ARG2: variants seen among roughly 807,000 people sequenced by gnomAD.
ARG2 encodes the protein arginase-2, mitochondrial.
In ARG2, 21 loss-of-function variants were observed where a neutral mutation model predicts 39.4. The observed-to-expected ratio is 0.53, with a 90% CI of 0.38 to 0.77. The LOEUF (loss-of-function observed/expected upper bound fraction) is 0.77. ARG2 is among the 30% of genes least tolerant of loss of function. The pLI, the probability that ARG2 is intolerant of heterozygous loss-of-function variation, is 0.00. For synonymous variants in ARG2, 150 were observed against 156.7 expected, an observed-to-expected ratio of 0.96 and a Z score of 0.32; for missense variants, 378 against 426.2, an observed-to-expected ratio of 0.89 and a Z score of 1.00.
intron 2 of ARG2, among the ~76,000 whole-genome samples, chr14:67,626,605 G>C (rs1315438067): frequency 6.6e-6 from 1 of 152,010 alleles, no homozygotes; most frequent in Non-Finnish European, 1.5e-5. Flanking sequence ...TGAGTACCTG[G>C]GACCACAGGC....
intron 3 of ARG2, 138 bp from the exon 4 acceptor site, chr14:67,645,505 G>A (rs2037086082): frequency 1.1e-6 from 1 of 894,418 alleles, no homozygotes; most frequent in Admixed American, 3.0e-5. Flanking sequence ...TACAGGTCTT[G>A]CCTCACCCAA....
intron 2 of ARG2, among the ~76,000 whole-genome samples, chr14:67,622,513 TAAC>T (rs1566793791): frequency 6.6e-6 from 1 of 152,244 alleles, no homozygotes; most frequent in South Asian, 2.1e-4. Flanking sequence ...GTCATTTTAA[TAAC>T]TCTCCAAGTT....
intron 2 of ARG2, among the ~76,000 whole-genome samples, chr14:67,626,270 C>G (rs1305314875): frequency 6.6e-6 from 1 of 151,748 alleles, no homozygotes; most frequent in African/African-American, 2.4e-5. Context: ...AAAAAAAAAC[C>G]ACAAAACTAC....
intron 5 of ARG2, 78 bp downstream of exon 5, chr14:67,646,816 T>TG: frequency 1.4e-6 from 2 of 1,440,956 alleles, no homozygotes; most frequent in South Asian, 1.2e-5. Context: ...ATGCTTAACT[T>TG]GGTCTATTGC....
At chr14:67,631,678 T>G (rs1373595926) in intron 2 of ARG2, among the ~76,000 whole-genome samples, 2 of 152,178 alleles carry the variant, frequency 1.3e-5, no homozygotes, top group African/African-American at 4.8e-5. Flanking sequence ...GTGATCCTCC[T>G]GCCTTGGCCT....
At chr14:67,650,441 G>A (rs146609124) in intron 7 of ARG2, 4 of 418,154 alleles carry the variant, frequency 9.6e-6, no homozygotes, top group East Asian at 8.7e-5. Flanking sequence ...TTTCCAGAAC[G>A]CCTGACAATT....
chr14:67,638,144 T>C (rs1294795984), intron 2 of ARG2, among the ~76,000 whole-genome samples: 2 of 152,194 alleles, frequency 1.3e-5, no homozygotes, highest in Non-Finnish European at 2.9e-5. Flanking sequence ...AATAAACTTG[T>C]TTGAGCCATA....
chr14:67,623,565 C>T lies in ARG2; in HGVS notation c.184+2599C>T, dbSNP rs547224291. Among the ~76,000 whole-genome samples, 7 of 95,544 alleles carry T rather than the reference C, an allele frequency of 7.3e-5. No individual in the cohort carries two copies. In the East Asian group the frequency reaches 1.0e-3, roughly 14 times the overall value. The allele number at this position is 95,544 out of a possible 152,430, so 62.7% of individuals were successfully genotyped here. On this transcript the variant is annotated intron_variant, in intron 2 of 7. Transcript: ENST00000261783. ...TTTTTTTTTTTTTTTTTTTTTGAGA[C>T]GGAGTCTCGCTCTGTCACCAGGCTG...
At chr14:67,645,299 C>T (rs4902506) in intron 3 of ARG2, among the ~76,000 whole-genome samples, 19,471 of 151,992 alleles carry the variant, frequency 0.13, 1,304 homozygotes, top group East Asian at 0.22. Context: ...CAGGTGTACA[C>T]CATCTTGTCT....
chr14:67,648,416 G>T (rs1249895755), intron 7 of ARG2: 1 of 370,948 alleles, frequency 2.7e-6, no homozygotes, highest in East Asian at 4.2e-5. Context: ...GTAAAAAATT[G>T]TATATTTAAA....
At position 67,651,272 on chromosome 14, in the gene ARG2, T is replaced by C. The variant is rs1469803432; in HGVS notation, c.*352T>C. ...CTCCTCCCACAGCCTGGCTATACAG[T>C]GCATCCTTGAACTGTCAGCCCACAG... On this transcript the variant is annotated 3_prime_UTR_variant, in exon 8 of 8. Coordinates refer to ENST00000261783, the MANE Select transcript of ARG2 (RefSeq NM_001172.4). 1.9e-6 allele frequency: 3 copies of C among 1,588,566 alleles called. No homozygotes were observed. The highest frequency in any genetic ancestry group is 2.6e-6 in the Non-Finnish European group (3 of 1,168,200).
chr14:67,628,784 A>G (rs187226491), intron 2 of ARG2, among the ~76,000 whole-genome samples: 1 of 152,342 alleles, frequency 6.6e-6, no homozygotes. Context: ...GTTGGTAGGA[A>G]CATAAAATGG....
At chr14:67,647,100 A>G in intron 6 of ARG2, 75 bp downstream of exon 6, 1 of 964,024 alleles carries the variant, frequency 1.0e-6, no homozygotes, top group African/African-American at 1.6e-5. Context: ...TGAGGACAGC[A>G]GCTTTACTTT....
intron 1 of ARG2, among the ~76,000 whole-genome samples, chr14:67,620,560 A>C (rs1426411447): frequency 6.6e-6 from 1 of 152,156 alleles, no homozygotes; most frequent in Non-Finnish European, 1.5e-5. Context: ...TGGCCTCTCC[A>C]GCGCGGGAGG....
intron 2 of ARG2, among the ~76,000 whole-genome samples, chr14:67,627,480 A>G (rs1034667230): frequency 1.3e-5 from 2 of 152,118 alleles, no homozygotes; most frequent in Non-Finnish European, 1.5e-5. Flanking sequence ...TTGAAAAGAG[A>G]TGAAACTGGC....
chr14:67,641,323 A>T (rs2037028497), intron 2 of ARG2, among the ~76,000 whole-genome samples: 1 of 152,238 alleles, frequency 6.6e-6, no homozygotes, highest in African/African-American at 2.4e-5. Context: ...TCTGAAAAAA[A>T]TAAAAAATCT....
intron 3 of ARG2, among the ~76,000 whole-genome samples, chr14:67,644,833 C>T (rs557706870): frequency 6.6e-6 from 1 of 151,960 alleles, no homozygotes; most frequent in African/African-American, 2.4e-5. Context: ...CCCATCTTTA[C>T]TAAAAATACA....
At chr14:67,630,731 A>C (rs1393337166) in intron 2 of ARG2, among the ~76,000 whole-genome samples, 1 of 152,080 alleles carries the variant, frequency 6.6e-6, no homozygotes, top group Non-Finnish European at 1.5e-5. Context: ...GGCAGCTGCC[A>C]CTGTGCCCAG....
chr14:67,629,555 C>T (rs2036898254), intron 2 of ARG2, among the ~76,000 whole-genome samples: 1 of 152,144 alleles, frequency 6.6e-6, no homozygotes. Context: ...TTAATTATTG[C>T]TTAATGGGTA....
Sources: gnomAD v4.1 joint callset for allele counts (sites outside exome capture counted in the v4.1 genomes callset) on GRCh38, gnomAD v4.1.1 for gene constraint, MANE v1.5 for transcripts, NCBI Gene and HGNC (gene_info 2026-07-23, HGNC 2026-07-21) for gene names.